NKAIN3: variants seen among roughly 807,000 people sequenced by gnomAD.
The protein encoded by NKAIN3 is sodium/potassium transporting ATPase interacting 3.
NKAIN3 carries 25 observed loss-of-function variants against 30.2 expected under a neutral mutation model. The ratio of observed to expected loss-of-function variants is 0.83; its 90% CI spans 0.60 to 1.16. The LOEUF (loss-of-function observed/expected upper bound fraction) is 1.16, where lower values mean the gene tolerates loss of function less well. Ranked by LOEUF, NKAIN3 falls within the 50% of genes most tolerant of loss-of-function variation. The pLI, the probability that NKAIN3 is intolerant of heterozygous loss-of-function variation, is 0.00. For missense variants in NKAIN3, 225 were observed against 254.1 expected, an observed-to-expected ratio of 0.89 and a Z score of 0.78; for synonymous variants, 91 against 89.6, an observed-to-expected ratio of 1.02 and a Z score of -0.09.
intron 4 of NKAIN3, among the ~76,000 whole-genome samples, chr8:62,885,240 T>G (rs1821109499): frequency 1.3e-5 from 2 of 152,242 alleles, no homozygotes; most frequent in South Asian, 2.1e-4. Flanking sequence ...CTTCTTTGAC[T>G]CATGTTATTT....
intron 1 of NKAIN3, among the ~76,000 whole-genome samples, chr8:62,319,285 G>A (rs1293558154): frequency 1.3e-5 from 2 of 151,990 alleles, no homozygotes; most frequent in Non-Finnish European, 1.5e-5. Flanking sequence ...AAAACCCGCT[G>A]CTGGATTCAT....
intron 4 of NKAIN3, among the ~76,000 whole-genome samples, chr8:62,900,120 G>A (rs894694305): frequency 2.0e-5 from 3 of 151,900 alleles, no homozygotes; most frequent in African/African-American, 7.3e-5. Flanking sequence ...AAAAATTGAT[G>A]GTTGTTGCTC....
At chr8:62,831,705 C>T (rs1233050007) in intron 4 of NKAIN3, among the ~76,000 whole-genome samples, 1 of 151,974 alleles carries the variant, frequency 6.6e-6, no homozygotes, top group Non-Finnish European at 1.5e-5. Flanking sequence ...ATGAGCAAGA[C>T]CTTCAAGAAA....
At chr8:62,522,707 A>G (rs1379213159) in intron 1 of NKAIN3, among the ~76,000 whole-genome samples, 1 of 151,954 alleles carries the variant, frequency 6.6e-6, no homozygotes, top group Non-Finnish European at 1.5e-5. Flanking sequence ...AGTTAAAAAG[A>G]GTTAAAATAG....
chr8:62,646,193 A>C (rs189071291), intron 3 of NKAIN3, among the ~76,000 whole-genome samples: 20 of 151,678 alleles, frequency 1.3e-4, no homozygotes, highest in African/African-American at 4.6e-4. Flanking sequence ...ATCTCTGGTC[A>C]TGTGTCTTTC....
At position 62,967,520 on chromosome 8, in the gene NKAIN3, G is replaced by T. The variant is rs1371200994; in HGVS notation, c.*2113G>T. Among the ~76,000 whole-genome samples the T allele has an allele frequency of 1.3e-5, 2 of 152,016 alleles. No individual in the cohort carries two copies. Among genetic ancestry groups the T allele is most frequent in the Non-Finnish European group, 2.9e-5 (2 of 68,010 alleles). On this transcript the variant is annotated 3_prime_UTR_variant, in exon 7 of 7. Coordinates refer to ENST00000623646, the MANE Select transcript of NKAIN3 (RefSeq NM_001304533.3). ...TGGAGCTCTTGCTTTCCACTCAAGC[G>T]CTATGAAGAGCCCACAGAAACAACA...
chr8:62,588,145 A>T lies in NKAIN3; in HGVS notation c.193-1569A>T, dbSNP rs558679664. 2.6e-5 allele frequency among the ~76,000 whole-genome samples: 4 copies of T among 151,842 alleles called. No homozygotes were observed. The East Asian group carries it at 7.8e-4, about 29-fold the overall frequency. ...TAGCATTGCTCTCTCATTTCAATAT[A>T]CTTATAATTAGATTTATTTAGAATG... On this transcript the variant is annotated intron_variant, in intron 2 of 6. Transcript: ENST00000623646.
chr8:62,856,689 A>G (rs938318159), intron 4 of NKAIN3: 147 of 754,990 alleles, frequency 1.9e-4, no homozygotes, highest in Middle Eastern at 1.6e-3. Context: ...TCTGTGGCCC[A>G]TCAGGTCTTG....
At chr8:62,656,290 G>A (rs1812761676) in intron 3 of NKAIN3, among the ~76,000 whole-genome samples, 1 of 152,138 alleles carries the variant, frequency 6.6e-6, no homozygotes, top group Non-Finnish European at 1.5e-5. Context: ...TTATGCTTCA[G>A]AGTATTTTTG....
intron 4 of NKAIN3, among the ~76,000 whole-genome samples, chr8:62,799,229 A>AAAG (rs1261330845): frequency 2.0e-5 from 3 of 152,326 alleles, no homozygotes; most frequent in Non-Finnish European, 4.4e-5. Context: ...TTTCCTACTT[A>AAAG]AAGTAATAAT....
chr8:62,520,446 T>C (rs1426894508), intron 1 of NKAIN3, among the ~76,000 whole-genome samples: 1 of 152,098 alleles, frequency 6.6e-6, no homozygotes, highest in Non-Finnish European at 1.5e-5. Flanking sequence ...AGGTAATCAA[T>C]AAAAAAAGAT....
intron 4 of NKAIN3, among the ~76,000 whole-genome samples, chr8:62,829,856 A>G (rs537648077): frequency 6.6e-6 from 1 of 152,292 alleles, no homozygotes; most frequent in Non-Finnish European, 1.5e-5. Context: ...AGCAATATTA[A>G]TGGCTAAACT....
At chr8:62,289,460 T>C (rs1409585079) in intron 1 of NKAIN3, among the ~76,000 whole-genome samples, 1 of 152,238 alleles carries the variant, frequency 6.6e-6, no homozygotes, top group East Asian at 1.9e-4. Context: ...TTTCTACATA[T>C]GGCTAGCCAG....
intron 3 of NKAIN3, among the ~76,000 whole-genome samples, chr8:62,724,683 C>T (rs573570728): frequency 2.0e-5 from 3 of 152,086 alleles, no homozygotes; most frequent in East Asian, 3.9e-4. Flanking sequence ...CTTCCAGTTC[C>T]ATCCATGTTG....
At chr8:62,916,090 T>C (rs1822092669) in intron 4 of NKAIN3, among the ~76,000 whole-genome samples, 1 of 151,650 alleles carries the variant, frequency 6.6e-6, no homozygotes, top group African/African-American at 2.4e-5. Flanking sequence ...TGTGATAGGA[T>C]AGATGATACA....
At chr8:62,440,189 C>G (rs534462881) in intron 1 of NKAIN3, among the ~76,000 whole-genome samples, 46 of 152,250 alleles carry the variant, frequency 3.0e-4, no homozygotes, top group African/African-American at 1.1e-3. Flanking sequence ...ACCTTTCATA[C>G]TGAACACTAA....
At chr8:62,284,267 C>CG (rs1813297733) in intron 1 of NKAIN3, among the ~76,000 whole-genome samples, 1 of 151,944 alleles carries the variant, frequency 6.6e-6, no homozygotes, top group South Asian at 2.1e-4. Context: ...CTGGGACTTA[C>CG]GGGGAGACAG....
At chr8:62,432,038 A>G (rs1051191116) in intron 1 of NKAIN3, among the ~76,000 whole-genome samples, 8 of 151,872 alleles carry the variant, frequency 5.3e-5, no homozygotes, top group Non-Finnish European at 1.0e-4. Context: ...CAAACAGTTG[A>G]CTATGTGGAT....
chr8:62,879,659 T>C (rs1287452571), intron 4 of NKAIN3, among the ~76,000 whole-genome samples: 2 of 152,208 alleles, frequency 1.3e-5, no homozygotes, highest in African/African-American at 2.4e-5. Context: ...GGCTTGCCCC[T>C]GTGAATAGCC....
Sources: allele counts gnomAD v4.1 joint callset (sites outside exome capture counted in the v4.1 genomes callset), GRCh38; gene constraint gnomAD v4.1.1; transcripts MANE v1.5; gene names NCBI Gene and HGNC (gene_info 2026-07-23, HGNC 2026-07-21).